The following GLP2R variants were observed in gnomAD, a reference collection of about 807,000 sequenced individuals.
GLP2R encodes glucagon like peptide 2 receptor, also known as glucagon-like peptide 2 receptor.
In GLP2R, 59 loss-of-function variants were observed where a neutral mutation model predicts 68.2. The ratio of observed to expected loss-of-function variants is 0.87; its 90% CI spans 0.70 to 1.07. The LOEUF is 1.07. Among genes scored for constraint, GLP2R ranks in the 50% least tolerant of loss-of-function variants. The pLI is 0.00. For missense variants in GLP2R, 548 were observed against 677.4 expected, an observed-to-expected ratio of 0.81 and a Z score of 2.12; for synonymous variants, 270 against 265.4, an observed-to-expected ratio of 1.02 and a Z score of -0.17.
chr17:9,851,937 A>G (rs563757984), intron 4 of GLP2R, among the ~76,000 whole-genome samples: 3 of 152,168 alleles, frequency 2.0e-5, no homozygotes, highest in Non-Finnish European at 4.4e-5. Flanking sequence ...GTCAAGTAAA[A>G]AAGTATAAAA....
chr17:9,846,511 G>T (rs913932077), intron 4 of GLP2R, among the ~76,000 whole-genome samples: 8 of 152,156 alleles, frequency 5.3e-5, no homozygotes, highest in African/African-American at 1.9e-4. Context: ...CCAGCTACTT[G>T]GGAGGCTGAT....
At chr17:9,856,559 A>G (rs960361567) in intron 5 of GLP2R, among the ~76,000 whole-genome samples, 1 of 152,226 alleles carries the variant, frequency 6.6e-6, no homozygotes, top group Non-Finnish European at 1.5e-5. Context: ...CCCCAGGTGC[A>G]TAAGGAAGAG....
chr17:9,842,643 G>A (rs929058021), intron 4 of GLP2R, 27 bp downstream of exon 4: 1 of 1,611,712 alleles, frequency 6.2e-7, no homozygotes, highest in Non-Finnish European at 8.5e-7. Context: ...CAGTGAGGAG[G>A]CATCCAGGGT....
intron 9 of GLP2R, chr17:9,866,330 A>C: frequency 5.8e-6 from 1 of 173,092 alleles, no homozygotes; most frequent in East Asian, 1.5e-4. Flanking sequence ...GTCTGGAGAC[A>C]TTTTTAATTG....
At chr17:9,859,871 C>A in intron 6 of GLP2R, 71 bp from the exon 7 acceptor site, 1 of 901,196 alleles carries the variant, frequency 1.1e-6, no homozygotes, top group Non-Finnish European at 1.6e-6. Flanking sequence ...CTCTGGGAGG[C>A]CCTTCTCCCC....
At chr17:9,837,766 T>G (rs1255042832) in intron 3 of GLP2R, among the ~76,000 whole-genome samples, 5 of 152,152 alleles carry the variant, frequency 3.3e-5, no homozygotes, top group Non-Finnish European at 2.9e-5. Flanking sequence ...CCTGTTGCCT[T>G]TTACCACAGA....
chr17:9,873,955 A>T (rs113903045), intron 10 of GLP2R, among the ~76,000 whole-genome samples: 3 of 152,262 alleles, frequency 2.0e-5, no homozygotes, highest in African/African-American at 7.2e-5. Flanking sequence ...TAGAGTTTTC[A>T]GACTTTTCTG....
intron 4 of GLP2R, among the ~76,000 whole-genome samples, chr17:9,851,514 C>T (rs965004730): frequency 1.1e-4 from 16 of 152,094 alleles, no homozygotes; most frequent in African/African-American, 3.9e-4. Flanking sequence ...GAGGGAAAGA[C>T]TTAGTTTCAA....
rs1182953167 is a variant in GLP2R at position 9,862,072 on chromosome 17, C to A, written c.1038C>A (p.Pro346=). The part of the protein sequence containing the change: ...NKKIWWIIRG[P]MMLCVTVNFF... ...AAATCTGGTGGATCATCCGAGGACC[C>A]ATGATGCTCTGTGTAACAGTAAGGA... The change falls in exon 9 of 13, where the codon CCC becomes CCA. Residue 346 remains proline, a synonymous_variant. Coordinates refer to ENST00000262441, the MANE Select transcript of GLP2R (RefSeq NM_004246.3). 5.0e-6 allele frequency: 8 copies of A among 1,613,184 alleles called. No individual in the cohort carries two copies. The East Asian group carries it at 1.8e-4, about 36-fold the overall frequency.
intron 10 of GLP2R, among the ~76,000 whole-genome samples, chr17:9,876,647 G>A (rs187255487): frequency 6.6e-6 from 1 of 152,296 alleles, no homozygotes; most frequent in Admixed American, 6.5e-5. Context: ...ACCTGTTTCA[G>A]GGGAGAAGGG....
intron 9 of GLP2R, among the ~76,000 whole-genome samples, chr17:9,863,805 A>G (rs1198025668): frequency 6.6e-6 from 1 of 152,140 alleles, no homozygotes; most frequent in Non-Finnish European, 1.5e-5. Context: ...CACCATTTCA[A>G]GTATCTCTTT....
intron 9 of GLP2R, among the ~76,000 whole-genome samples, chr17:9,867,815 A>G (rs1221451470): frequency 5.9e-5 from 9 of 152,220 alleles, no homozygotes. Flanking sequence ...CTATTGTTGA[A>G]TCTTCCGTGA....
At position 9,828,362 on chromosome 17, in the gene GLP2R, G is replaced by A. The variant is rs144564216; in HGVS notation, c.189+2110G>A. Reference sequence around the variant, plus strand: ...TAGTGGTGGGACCATTTGGTGGGAGGGTTGGTTCAGAACATTCATCCTTGC... The same window carrying A: ...TAGTGGTGGGACCATTTGGTGGGAGAGTTGGTTCAGAACATTCATCCTTGC... On this transcript the variant is annotated intron_variant, in intron 1 of 12. Transcript: ENST00000262441. Among the ~76,000 whole-genome samples, 26 of 152,240 alleles carry A rather than the reference G, an allele frequency of 1.7e-4. 1 individual carries two copies. The highest frequency in any genetic ancestry group is 6.3e-4 in the African/African-American group (26 of 41,534).
At position 9,826,123 on chromosome 17, in the gene GLP2R, C is replaced by T. The variant is rs774643540; in HGVS notation, c.60C>T (p.Gly20=). Residue 20 remains glycine, a synonymous_variant, in exon 1 of 13, where the codon GGC becomes GGT. Coordinates refer to ENST00000262441, the MANE Select transcript of GLP2R (RefSeq NM_004246.3). ...PGRGSAGLLP[G]VHELPMGIPA... ...GAGGAAGCGCGGGACTCCTGCCTGG[C>T]GTCCACGAGCTGCCCATGGGCATCC... The T allele has an allele frequency of 1.5e-5, 24 of 1,612,372 alleles. No individual in the cohort carries two copies. Among genetic ancestry groups the T allele is most frequent in the Middle Eastern group, 1.6e-4 (1 of 6,064 alleles).
chr17:9,830,349 G>T (rs1443140699), intron 1 of GLP2R, among the ~76,000 whole-genome samples: 2 of 152,168 alleles, frequency 1.3e-5, no homozygotes, highest in African/African-American at 4.8e-5. Flanking sequence ...TGACTTGGAG[G>T]ATTCTAGAAG....
chr17:9,869,228 C>T (rs1382767776), intron 9 of GLP2R, among the ~76,000 whole-genome samples: 5 of 152,238 alleles, frequency 3.3e-5, no homozygotes, highest in Admixed American at 1.3e-4. Flanking sequence ...TCCAGCCTTA[C>T]CCTCACCCAA....
At chr17:9,839,396 T>TTCCTTCTCCTCCTCC (rs1323367573) in intron 3 of GLP2R, among the ~76,000 whole-genome samples, 42 of 151,974 alleles carry the variant, frequency 2.8e-4, no homozygotes, top group South Asian at 1.0e-3. Flanking sequence ...CAAACTCCTC[T>TTCCTTCTCCTCCTCC]TCCTTCTCCT....
At chr17:9,879,754 G>T (rs1306818612) in intron 10 of GLP2R, among the ~76,000 whole-genome samples, 1 of 152,168 alleles carries the variant, frequency 6.6e-6, no homozygotes, top group Non-Finnish European at 1.5e-5. Context: ...TTTTTATGAG[G>T]AGGATCAGTT....
At chr17:9,845,492 G>T (rs1369813938) in intron 4 of GLP2R, among the ~76,000 whole-genome samples, 1 of 152,152 alleles carries the variant, frequency 6.6e-6, no homozygotes, top group Non-Finnish European at 1.5e-5. Context: ...TAGTTGTGAG[G>T]CTTCAGAGGG....
Sources: gnomAD v4.1 joint callset for allele counts (sites outside exome capture counted in the v4.1 genomes callset) on GRCh38, gnomAD v4.1.1 for gene constraint, MANE v1.5 for transcripts, NCBI Gene and HGNC (gene_info 2026-07-23, HGNC 2026-07-21) for gene names.